The following DYM variants were observed in gnomAD, a reference collection of about 807,000 sequenced individuals.
DYM encodes dymeclin.
In DYM, 78 loss-of-function variants were observed where a neutral mutation model predicts 93.1. The ratio of observed to expected loss-of-function variants is 0.84; its 90% CI spans 0.70 to 1.01. The LOEUF (loss-of-function observed/expected upper bound fraction) is 1.01. Ranked by LOEUF, DYM falls within the 50% of genes least tolerant of loss-of-function variation. The probability of loss-of-function intolerance (pLI) is 0.00; values close to 1 mark genes in which losing one functional copy is unlikely to be tolerated. For missense variants in DYM, 789 were observed against 845.0 expected, an observed-to-expected ratio of 0.93 and a Z score of 0.82; for synonymous variants, 321 against 319.7, an observed-to-expected ratio of 1.00 and a Z score of -0.04.
At chr18:49,357,003 T>C (rs1032117654) in intron 6 of DYM, among the ~76,000 whole-genome samples, 2 of 152,150 alleles carry the variant, frequency 1.3e-5, no homozygotes, top group Admixed American at 6.5e-5. Context: ...AACATTTGAG[T>C]CTTTGCTACA....
chr18:49,080,308 C>T (rs1384973655), intron 17 of DYM, among the ~76,000 whole-genome samples: 3 of 138,684 alleles, frequency 2.2e-5, no homozygotes, highest in Non-Finnish European at 4.8e-5. Flanking sequence ...CCTCACCTCC[C>T]GGACGGGGTG....
intron 8 of DYM, among the ~76,000 whole-genome samples, chr18:49,317,627 C>CTCCTCTCCTCT (rs573051080): frequency 3.3e-4 from 8 of 24,398 alleles, no homozygotes; most frequent in Admixed American, 5.8e-4. Flanking sequence ...CTCCCTCCCT[C>CTCCTCTCCTCT]CCTCTCCTAT....
chr18:49,317,551 T>TTG (rs1555690209), intron 8 of DYM, among the ~76,000 whole-genome samples: 4,466 of 28,520 alleles, frequency 0.16, 1,167 homozygotes, highest in Middle Eastern at 0.24. Context: ...CCATCTAGAT[T>TTG]TCTCTCTCTC....
At chr18:49,125,402 A>T (rs1439319615) in intron 15 of DYM, among the ~76,000 whole-genome samples, 1 of 152,226 alleles carries the variant, frequency 6.6e-6, no homozygotes, top group Non-Finnish European at 1.5e-5. Context: ...TAGTAGATGC[A>T]GGTTGAGCAC....
At chr18:49,346,587 A>G (rs1245233240) in intron 6 of DYM, among the ~76,000 whole-genome samples, 1 of 151,620 alleles carries the variant, frequency 6.6e-6, no homozygotes, top group Non-Finnish European at 1.5e-5. Context: ...CTTTGTGAAC[A>G]TACTGCAAAC....
At chr18:49,273,010 C>T (rs12607252) in intron 10 of DYM, among the ~76,000 whole-genome samples, 14,331 of 145,256 alleles carry the variant, frequency 0.099, 881 homozygotes, top group East Asian at 0.34. Context: ...TGCTAGAAAA[C>T]AGGCAAAAAA....
At chr18:49,059,635 C>A (rs2075788919) in intron 17 of DYM, among the ~76,000 whole-genome samples, 1 of 152,054 alleles carries the variant, frequency 6.6e-6, no homozygotes, top group East Asian at 1.9e-4. Flanking sequence ...CAGTTAGGGG[C>A]CCAGGTGGCT....
At chr18:49,116,727 T>TTTATG (rs2081958370) in intron 16 of DYM, among the ~76,000 whole-genome samples, 2 of 152,332 alleles carry the variant, frequency 1.3e-5, no homozygotes, top group East Asian at 3.9e-4. Flanking sequence ...TGCATTATCA[T>TTTATG]CTTCTATCAA....
intron 17 of DYM, among the ~76,000 whole-genome samples, chr18:49,062,197 C>A (rs113591793): frequency 8.5e-5 from 13 of 152,114 alleles, no homozygotes; most frequent in African/African-American, 2.4e-4. Flanking sequence ...GGAGAAAGTC[C>A]CAATACACAT....
intron 13 of DYM, among the ~76,000 whole-genome samples, chr18:49,253,911 A>C (rs1425351138): frequency 1.3e-5 from 2 of 152,076 alleles, no homozygotes; most frequent in African/African-American, 4.8e-5. Context: ...CCAACCCTTA[A>C]GCCCCTCCAC....
intron 16 of DYM, among the ~76,000 whole-genome samples, chr18:49,104,061 A>G (rs1220768524): frequency 1.3e-5 from 2 of 152,112 alleles, no homozygotes; most frequent in African/African-American, 4.8e-5. Context: ...ATGTTCTTCC[A>G]TTTGTTTGTA....
intron 14 of DYM, among the ~76,000 whole-genome samples, chr18:49,184,151 CTCT>C (rs1416934206): frequency 6.6e-6 from 1 of 152,148 alleles, no homozygotes; most frequent in African/African-American, 2.4e-5. Context: ...GGCAGTTCCT[CTCT>C]TCCCACTAAA....
chr18:49,145,899 C>CT lies in DYM; in HGVS notation c.1728+17785dup, dbSNP rs201785844. On this transcript the variant is annotated intron_variant, in intron 15 of 17. Coordinates refer to ENST00000675505, the MANE Select transcript of DYM (RefSeq NM_001353214.3). Reference sequence around the variant, plus strand: ...TTTCTTTTTATATTTTAGTTTTTACCTTTTTTTTTGGTATTTAGGAAGGTT... The same window carrying CT: ...TTTCTTTTTATATTTTAGTTTTTACCTTTTTTTTTTGGTATTTAGGAAGGTT... Among the ~76,000 whole-genome samples the CT allele has an allele frequency of 9.9e-3, 1,482 of 150,400 alleles. 24 individuals carry two copies. The highest frequency in any genetic ancestry group is 0.031 in the African/African-American group (1,258 of 41,042).
chr18:49,267,716 A>G (rs962025657), intron 11 of DYM, among the ~76,000 whole-genome samples: 3 of 152,166 alleles, frequency 2.0e-5, no homozygotes, highest in Admixed American at 6.5e-5. Flanking sequence ...CAACATGGTG[A>G]AACATTCCTA....
At chr18:49,160,322 A>G (rs190462576) in intron 15 of DYM, among the ~76,000 whole-genome samples, 3 of 152,304 alleles carry the variant, frequency 2.0e-5, no homozygotes, top group East Asian at 1.9e-4. Context: ...TAGTTGCACT[A>G]AAGTACTAAT....
At chr18:49,425,970 T>C (rs1348527884) in intron 2 of DYM, among the ~76,000 whole-genome samples, 2 of 151,922 alleles carry the variant, frequency 1.3e-5, no homozygotes, top group South Asian at 2.1e-4. Context: ...AGTTCAACCA[T>C]TGTGGAAGTC....
In DYM at chr18:49,251,926, T is replaced by C. The variant is rs528782879; in HGVS notation, c.1460+5084A>G. Among the ~76,000 whole-genome samples the C allele has an allele frequency of 2.0e-5, 3 of 152,142 alleles. No individual in the cohort carries two copies. In the East Asian group the frequency reaches 5.8e-4, roughly 29 times the overall value. Reference sequence around the variant, plus strand: ...CAGTTCTCACGCTGCTATAAAGAACTGCCCGAGGCTTGCACAGTGGCTCAC... The same window carrying C: ...CAGTTCTCACGCTGCTATAAAGAACCGCCCGAGGCTTGCACAGTGGCTCAC... On this transcript the variant is annotated intron_variant, in intron 13 of 17. Transcript: ENST00000675505.
At chr18:49,075,289 A>C (rs1174134350) in intron 17 of DYM, among the ~76,000 whole-genome samples, 1 of 152,096 alleles carries the variant, frequency 6.6e-6, no homozygotes, top group Non-Finnish European at 1.5e-5. Context: ...TTGAGGGCCG[A>C]GTGTGCAGCC....
chr18:49,289,790 CACACAT>C (rs1285223261), intron 8 of DYM, among the ~76,000 whole-genome samples: 2 of 35,726 alleles, frequency 5.6e-5, no homozygotes, highest in African/African-American at 2.6e-4. Context: ...TATATATATA[CACACAT>C]ATATATATAT....
Sources: gnomAD v4.1 joint callset for allele counts (sites outside exome capture counted in the v4.1 genomes callset) on GRCh38, gnomAD v4.1.1 for gene constraint, MANE v1.5 for transcripts, NCBI Gene and HGNC (gene_info 2026-07-23, HGNC 2026-07-21) for gene names.